ADAMTS3: variants seen among roughly 807,000 people sequenced by gnomAD.
ADAMTS3 encodes the protein A disintegrin and metalloproteinase with thrombospondin motifs 3.
Under a neutral mutation model 129.0 loss-of-function variants are expected in ADAMTS3, and 73 were observed. The ratio of observed to expected loss-of-function variants is 0.57; its 90% confidence interval spans 0.47 to 0.69. The LOEUF is 0.69. ADAMTS3 is among the 30% of genes least tolerant of loss of function. The pLI, the probability that ADAMTS3 is intolerant of heterozygous loss-of-function variation, is 0.00. For missense variants in ADAMTS3, 1,457 were observed against 1,514.5 expected, an observed-to-expected ratio of 0.96 and a Z score of 0.63; for synonymous variants, 477 against 510.8, an observed-to-expected ratio of 0.93 and a Z score of 0.89.
At chr4:72,478,061 A>G (rs933539402) in intron 3 of ADAMTS3, among the ~76,000 whole-genome samples, 9 of 152,314 alleles carry the variant, frequency 5.9e-5, no homozygotes, top group African/African-American at 2.2e-4. Flanking sequence ...TAGCTTACCA[A>G]CCAAAAAGAG....
rs141762913 is a variant in ADAMTS3 at position 72,329,142 on chromosome 4, T to C, written c.862-6045A>G. On this transcript the variant is annotated intron_variant, in intron 5 of 21. Transcript: ENST00000286657. ...CAATACCTTTGAGTCTCTGTTCTTA[T>C]GAAGCATAGACTCTATTGGGCAAAA... Among the ~76,000 whole-genome samples, 18 of 152,236 alleles carry C rather than the reference T, an allele frequency of 1.2e-4. No homozygotes were observed. The East Asian group carries it at 1.9e-3, about 16-fold the overall frequency.
At chr4:72,355,538 T>C (rs552919289) in intron 4 of ADAMTS3, among the ~76,000 whole-genome samples, 2 of 152,148 alleles carry the variant, frequency 1.3e-5, no homozygotes, top group South Asian at 4.1e-4. Context: ...TAAGAGGTGA[T>C]TAAGTCTTAA....
At chr4:72,363,696 A>C (rs1418231448) in intron 4 of ADAMTS3, among the ~76,000 whole-genome samples, 1 of 151,954 alleles carries the variant, frequency 6.6e-6, no homozygotes, top group Non-Finnish European at 1.5e-5. Context: ...TAGTGAAAGA[A>C]TATACTTTCA....
At chr4:72,286,211 G>A (rs1431995280) in intron 21 of ADAMTS3, among the ~76,000 whole-genome samples, 2 of 152,198 alleles carry the variant, frequency 1.3e-5, no homozygotes, top group Non-Finnish European at 2.9e-5. Flanking sequence ...ATGCACAGCT[G>A]TACCAGCTCC....
chr4:72,415,012 T>A (rs766606943), intron 3 of ADAMTS3, 41 bp from the exon 4 acceptor site: 1 of 1,311,498 alleles, frequency 7.6e-7, no homozygotes, highest in Non-Finnish European at 1.0e-6. Context: ...AAAAGAAATA[T>A]CTATCATCTT....
At chr4:72,471,605 T>C (rs1719075526) in intron 3 of ADAMTS3, among the ~76,000 whole-genome samples, 1 of 151,972 alleles carries the variant, frequency 6.6e-6, no homozygotes, top group Non-Finnish European at 1.5e-5. Context: ...ACATTAAAAA[T>C]GCAAAAGCAG....
At chr4:72,450,211 C>A (rs1339082822) in intron 3 of ADAMTS3, among the ~76,000 whole-genome samples, 2 of 151,698 alleles carry the variant, frequency 1.3e-5, no homozygotes, top group Non-Finnish European at 3.0e-5. Flanking sequence ...AAGAGGTGGA[C>A]AAAACTGATA....
intron 3 of ADAMTS3, among the ~76,000 whole-genome samples, chr4:72,456,744 A>C (rs1260832765): frequency 6.6e-6 from 1 of 151,458 alleles, no homozygotes; most frequent in African/African-American, 2.4e-5. Flanking sequence ...CTTGCATACT[A>C]TGCTGCACAG....
chr4:72,432,516 C>T (rs889310418), intron 3 of ADAMTS3, among the ~76,000 whole-genome samples: 15 of 151,942 alleles, frequency 9.9e-5, no homozygotes, highest in South Asian at 4.1e-4. Context: ...CTTCTGTAAA[C>T]GGTCCCTTCA....
chr4:72,462,202 G>C (rs1296858895), intron 3 of ADAMTS3, among the ~76,000 whole-genome samples: 1 of 151,862 alleles, frequency 6.6e-6, no homozygotes, highest in African/African-American at 2.4e-5. Context: ...CTTTTGAGGA[G>C]GTGACATTTG....
intron 6 of ADAMTS3, 131 bp from the exon 7 acceptor site, chr4:72,321,001 G>T: frequency 2.2e-6 from 2 of 904,658 alleles, no homozygotes; most frequent in Admixed American, 3.2e-5. Flanking sequence ...GGCTTATTCT[G>T]ATATTTGCTT....
chr4:72,315,716 A>G (rs1488082865), intron 11 of ADAMTS3, 142 bp downstream of exon 11: 11 of 562,210 alleles, frequency 2.0e-5, no homozygotes, highest in Non-Finnish European at 2.8e-5. Flanking sequence ...ACACTATTTT[A>G]GTACATTACT....
intron 3 of ADAMTS3, among the ~76,000 whole-genome samples, chr4:72,438,209 T>C (rs937797657): frequency 5.3e-5 from 8 of 151,642 alleles, no homozygotes; most frequent in Non-Finnish European, 1.0e-4. Flanking sequence ...GAAAGATCCA[T>C]TGAGTTATAT....
At chr4:72,368,180 G>A (rs190990249) in intron 4 of ADAMTS3, among the ~76,000 whole-genome samples, 7 of 151,998 alleles carry the variant, frequency 4.6e-5, no homozygotes, top group East Asian at 1.9e-4. Flanking sequence ...TTATGCCTTC[G>A]CTTAAGCTTT....
chr4:72,320,052 T>A, intron 7 of ADAMTS3, 89 bp from the exon 8 acceptor site: 1 of 1,034,958 alleles, frequency 9.7e-7, no homozygotes, highest in Non-Finnish European at 1.5e-6. Context: ...GGGAAAAAAG[T>A]AAAAGCCTTT....
chr4:72,517,541 A>C (rs200974221), intron 3 of ADAMTS3, among the ~76,000 whole-genome samples: 51,867 of 151,792 alleles, frequency 0.34, 9,570 homozygotes, highest in South Asian at 0.55. Context: ...TCAGAGATTC[A>C]ACTTCTTCCT....
At position 72,302,977 on chromosome 4, in the gene ADAMTS3, T is replaced by A. The variant is rs969877855; in HGVS notation, c.2424+940A>T. Among the ~76,000 whole-genome samples the A allele has an allele frequency of 3.3e-5, 5 of 152,210 alleles. No individual in the cohort carries two copies. In the Middle Eastern group the frequency reaches 0.01, roughly 311 times the overall value. On this transcript the variant is annotated intron_variant, in intron 17 of 21. Coordinates refer to ENST00000286657, the MANE Select transcript of ADAMTS3 (RefSeq NM_014243.3). ...GATGCCAAACACAAACTTTTATACATCCAGTTGTTTTTAACGCTGCCCAAA... is the reference window on the plus strand; with the variant it reads ...GATGCCAAACACAAACTTTTATACAACCAGTTGTTTTTAACGCTGCCCAAA...
Position 72,446,206 on chromosome 4 carries a change from T to C in ADAMTS3, c.505-31235A>G, listed in dbSNP as rs114766430. ...TTCTATAGGTGTCAACTTCTGACAG[T>C]TCCACATCCCCAAAAATGGAAAAAG... On this transcript the variant is annotated intron_variant, in intron 3 of 21. Transcript: ENST00000286657. Among the ~76,000 whole-genome samples the C allele has an allele frequency of 2.0e-3, 309 of 151,780 alleles. 3 individuals are homozygous for C. The highest frequency in any genetic ancestry group is 7.2e-3 in the African/African-American group (300 of 41,492).
chr4:72,463,729 A>G lies in ADAMTS3; in HGVS notation c.505-48758T>C, dbSNP rs144309748. The stretch of plus-strand genomic sequence containing the variant: ...AAAAAAAAAAAAAGCATTTGGTAAC[A>G]TACTTTCAAATAAAGATTTCCTCTT... On this transcript the variant is annotated intron_variant, in intron 3 of 21. Coordinates refer to ENST00000286657, the MANE Select transcript of ADAMTS3 (RefSeq NM_014243.3). Among the ~76,000 whole-genome samples, 949 of 150,718 alleles carry G rather than the reference A, an allele frequency of 6.3e-3. 6 individuals are homozygous for G. The highest frequency in any genetic ancestry group is 0.022 in the African/African-American group (903 of 41,040).
Sources: gnomAD v4.1 joint callset for allele counts (sites outside exome capture counted in the v4.1 genomes callset) on GRCh38, gnomAD v4.1.1 for gene constraint, MANE v1.5 for transcripts, NCBI Gene and HGNC (gene_info 2026-07-23, HGNC 2026-07-21) for gene names.